AKAP13: variants seen among roughly 807,000 people sequenced by gnomAD.
AKAP13 encodes the protein A-kinase anchoring protein 13, also known as A-kinase anchor protein 13.
In AKAP13, 80 loss-of-function variants were observed where a neutral mutation model predicts 264.5. The ratio of observed to expected loss-of-function variants is 0.30; its 90% CI spans 0.25 to 0.36. AKAP13 has a LOEUF of 0.36. AKAP13 is among the 10% of genes least tolerant of loss of function. The probability of loss-of-function intolerance (pLI) is 1.00; values close to 1 mark genes in which losing one functional copy is unlikely to be tolerated. For synonymous variants in AKAP13, 1,380 were observed against 1,250.2 expected (o/e 1.10, Z -2.19); for missense variants, 3,712 against 3,435.2 (o/e 1.08, Z -2.01).
intron 31 of AKAP13, 69 bp from the exon 32 acceptor site, chr15:85,735,491 A>G (rs1179117527): frequency 2.0e-6 from 3 of 1,505,658 alleles, no homozygotes; most frequent in African/African-American, 2.8e-5. Context: ...AGATGCCTAT[A>G]TGATATTCTT....
chr15:85,437,797 G>T lies in AKAP13; in HGVS notation c.-11-47913G>T, dbSNP rs557159757. On this transcript the variant is annotated intron_variant, in intron 1 of 36. Transcript: ENST00000394518. The stretch of plus-strand genomic sequence containing the variant: ...CATGCTAAAAACTCTCAATAAATTA[G>T]GTATTGATGGGATGTATTTCAAAAT... 6.6e-4 allele frequency among the ~76,000 whole-genome samples: 101 copies of T among 152,236 alleles called. 1 individual carries two copies. Among genetic ancestry groups the T allele is most frequent in the African/African-American group, 2.2e-3 (92 of 41,514 alleles).
At chr15:85,484,742 C>CT (rs1413186126) in intron 1 of AKAP13, among the ~76,000 whole-genome samples, 1 of 152,148 alleles carries the variant, frequency 6.6e-6, no homozygotes, top group Non-Finnish European at 1.5e-5. Flanking sequence ...CAAGGCATTG[C>CT]TTTTCAGTCC....
intron 5 of AKAP13, among the ~76,000 whole-genome samples, chr15:85,553,597 A>G (rs2078038831): frequency 6.6e-6 from 1 of 152,092 alleles, no homozygotes; most frequent in Admixed American, 6.6e-5. Context: ...GTACCATTTT[A>G]TTCTTATAGT....
At position 85,482,336 on chromosome 15, in the gene AKAP13, A is replaced by T. The variant is rs1333751379; in HGVS notation, c.-11-3374A>T. Among the ~76,000 whole-genome samples, 7 of 152,154 alleles carry T rather than the reference A, an allele frequency of 4.6e-5. No homozygotes were observed. The South Asian group carries it at 8.3e-4, about 18-fold the overall frequency. ...TCTTCTGTTTTATTTTTCTCTATAG[A>T]ATTTGTTACTGTGTGAAAACTATTT... On this transcript the variant is annotated intron_variant, in intron 1 of 36. Transcript: ENST00000394518.
intron 8 of AKAP13, among the ~76,000 whole-genome samples, chr15:85,586,159 TTTTC>T (rs1283356618): frequency 2.0e-5 from 3 of 152,066 alleles, no homozygotes; most frequent in Non-Finnish European, 4.4e-5. Context: ...TCTATAGACC[TTTTC>T]TTTCTTTTTT....
At chr15:85,716,446 G>A (rs1322224763) in intron 20 of AKAP13, among the ~76,000 whole-genome samples, 1 of 152,130 alleles carries the variant, frequency 6.6e-6, no homozygotes, top group East Asian at 1.9e-4. Flanking sequence ...TTCTTTTCTG[G>A]TCTCCTGGCC....
chr15:85,691,723 G>C, intron 16 of AKAP13: 3 of 446,964 alleles, frequency 6.7e-6, no homozygotes, highest in South Asian at 4.8e-5. Flanking sequence ...TTTGTACCTA[G>C]CCCGGTTTTG....
At chr15:85,575,102 A>T (rs1218863588) in intron 5 of AKAP13, 29 bp from the exon 6 acceptor site, 2 of 1,605,302 alleles carry the variant, frequency 1.2e-6, no homozygotes, top group Middle Eastern at 3.3e-4. Flanking sequence ...CAGAATGTAT[A>T]TATATTAACC....
chr15:85,693,487 C>T, intron 17 of AKAP13, 36 bp downstream of exon 17: 1 of 1,598,696 alleles, frequency 6.3e-7, no homozygotes, highest in African/African-American at 1.4e-5. Flanking sequence ...TAAGATGGAA[C>T]TCTCTTGGCT....
intron 1 of AKAP13, among the ~76,000 whole-genome samples, chr15:85,483,135 A>G (rs1443468916): frequency 6.6e-6 from 1 of 152,194 alleles, no homozygotes; most frequent in East Asian, 1.9e-4. Flanking sequence ...GGCGGGAACC[A>G]TTCAGTTAAA....
At chr15:85,611,495 A>T (rs575907875) in intron 8 of AKAP13, among the ~76,000 whole-genome samples, 2 of 152,190 alleles carry the variant, frequency 1.3e-5, no homozygotes, top group East Asian at 3.9e-4. Context: ...TTAATGTTAA[A>T]TATTTTTGGA....
At chr15:85,673,768 C>T (rs572693420) in intron 14 of AKAP13, among the ~76,000 whole-genome samples, 1 of 137,410 alleles carries the variant, frequency 7.3e-6, no homozygotes, top group African/African-American at 2.7e-5. Flanking sequence ...TCACTGCAAG[C>T]TCTGCCTCCC....
In AKAP13 at chr15:85,581,387, A is replaced by C. The variant is rs1275928660; in HGVS notation, c.3319A>C (p.Asn1107His). ...AGGTATGGCTGAGCCCAGAAGAGAG[A>C]ATATATCACACAACACCCAAGACAT... ...LQGMAEPRRE[N>H]ISHNTQDILI... The change falls in exon 7 of 37, where the codon AAT (asparagine) becomes CAT (histidine). Residue 1107 changes from asparagine to histidine, a missense_variant. Physicochemically the swap from Asn to His is moderately conservative, Grantham distance 68. Transcript: ENST00000394518. The C allele has an allele frequency of 6.2e-7, 1 of 1,614,166 alleles. No individual in the cohort carries two copies. The highest frequency in any genetic ancestry group is 1.1e-5 in the South Asian group (1 of 91,080).
intron 2 of AKAP13, among the ~76,000 whole-genome samples, chr15:85,497,202 A>C (rs901393992): frequency 1.3e-5 from 2 of 152,202 alleles, no homozygotes; most frequent in African/African-American, 4.8e-5. Flanking sequence ...AATTCATTTA[A>C]AACAAGTATT....
At position 85,637,254 on chromosome 15, in the gene AKAP13, C is replaced by T. The variant is rs143107661; in HGVS notation, c.4162-2120C>T. On this transcript the variant is annotated intron_variant, in intron 8 of 36. Coordinates refer to ENST00000394518, the MANE Select transcript of AKAP13 (RefSeq NM_007200.5). ...TTTCTTAAATGTTTGGTAGCATTCA[C>T]CACTGAAGTCATCTAGGCCTGAAGT... 2.0e-5 allele frequency among the ~76,000 whole-genome samples: 3 copies of T among 152,256 alleles called. No homozygotes were observed. The South Asian group carries it at 6.2e-4, about 32-fold the overall frequency.
At chr15:85,421,019 A>G (rs1317883315) in intron 1 of AKAP13, among the ~76,000 whole-genome samples, 8 of 152,184 alleles carry the variant, frequency 5.3e-5, no homozygotes, top group Admixed American at 2.0e-4. Context: ...ACTATTTCCA[A>G]TATATAGACT....
chr15:85,655,203 A>C (rs574828558), intron 10 of AKAP13, among the ~76,000 whole-genome samples: 1 of 152,264 alleles, frequency 6.6e-6, no homozygotes, highest in South Asian at 2.1e-4. Context: ...AACAAACAAA[A>C]AAAAGAGGAT....
chr15:85,719,821 A>G (rs1180765361), intron 23 of AKAP13, among the ~76,000 whole-genome samples: 1 of 152,020 alleles, frequency 6.6e-6, no homozygotes, highest in South Asian at 2.1e-4. Context: ...AGACTGAGAT[A>G]TAAGAATCGC....
intron 10 of AKAP13, among the ~76,000 whole-genome samples, chr15:85,648,024 TA>T (rs1444107794): frequency 2.4e-5 from 3 of 124,798 alleles, no homozygotes; most frequent in Non-Finnish European, 5.1e-5. Flanking sequence ...TATGTTATTT[TA>T]TTTTTTTTTT....
Sources: allele counts gnomAD v4.1 joint callset (sites outside exome capture counted in the v4.1 genomes callset), GRCh38; gene constraint gnomAD v4.1.1; transcripts MANE v1.5; gene names NCBI Gene and HGNC (gene_info 2026-07-23, HGNC 2026-07-21).